Variants in IFT80 observed in about 807,000 individuals in gnomAD.
IFT80 encodes intraflagellar transport 80, also known as intraflagellar transport protein 80 homolog.
Under a neutral mutation model 107.9 loss-of-function variants are expected in IFT80, and 79 were observed. That is an observed-to-expected ratio of 0.73 (90% CI 0.61 to 0.88). IFT80 has a LOEUF of 0.88. Among genes scored for constraint, IFT80 ranks in the 40% least tolerant of loss-of-function variants. The pLI, the probability that IFT80 is intolerant of heterozygous loss-of-function variation, is 0.00. For synonymous variants in IFT80, 299 were observed against 300.9 expected (o/e 0.99, Z 0.07); for missense variants, 797 against 914.2 (o/e 0.87, Z 1.65).
chr3:160,340,855 T>C (rs1719844204), intron 8 of IFT80, among the ~76,000 whole-genome samples: 7 of 152,332 alleles, frequency 4.6e-5, no homozygotes, highest in Admixed American at 3.3e-4. Flanking sequence ...GTTCTGGGGA[T>C]TAGCATATGG....
At chr3:160,369,036 G>A (rs1263337610) in intron 5 of IFT80, among the ~76,000 whole-genome samples, 1 of 151,900 alleles carries the variant, frequency 6.6e-6, no homozygotes, top group South Asian at 2.1e-4. Context: ...CATTTAATTT[G>A]TGGTCCCATT....
chr3:160,262,622 G>C (rs1334498519), intron 19 of IFT80, among the ~76,000 whole-genome samples: 1 of 152,200 alleles, frequency 6.6e-6, no homozygotes, highest in Non-Finnish European at 1.5e-5. Flanking sequence ...ACCACGCCCA[G>C]CCACGGAGTA....
chr3:160,273,345 A>T (rs1373141271), intron 18 of IFT80, among the ~76,000 whole-genome samples: 1 of 152,172 alleles, frequency 6.6e-6, no homozygotes, highest in Non-Finnish European at 1.5e-5. Context: ...TTCCATTGTG[A>T]AAAGATCACT....
chr3:160,354,517 G>A (rs1308726664), intron 8 of IFT80, among the ~76,000 whole-genome samples: 1 of 152,136 alleles, frequency 6.6e-6, no homozygotes, highest in African/African-American at 2.4e-5. Flanking sequence ...GCCGGGCGTG[G>A]TGACGAGTGC....
intron 9 of IFT80, among the ~76,000 whole-genome samples, chr3:160,309,276 A>T (rs1717048773): frequency 6.6e-6 from 1 of 152,234 alleles, no homozygotes; most frequent in African/African-American, 2.4e-5. Context: ...GACTGGAAAT[A>T]GCCTAAATGT....
At chr3:160,276,427 G>A (rs1373896036) in intron 18 of IFT80, among the ~76,000 whole-genome samples, 2 of 152,140 alleles carry the variant, frequency 1.3e-5, no homozygotes, top group East Asian at 3.8e-4. Context: ...TTTAACTAAA[G>A]AGCCTTGTAA....
rs561449433 is a variant in IFT80 at position 160,287,466 on chromosome 3, G to C, written c.1316-1598C>G. The stretch of plus-strand genomic sequence containing the variant: ...AGAAATGAATTGCAGTATACCCAGT[G>C]GAGGTGAAAATGGAATAGTTGGTAT... On this transcript the variant is annotated intron_variant, in intron 12 of 19. Coordinates refer to ENST00000326448, the MANE Select transcript of IFT80 (RefSeq NM_020800.3). Among the ~76,000 whole-genome samples, 21 of 152,248 alleles carry C rather than the reference G, an allele frequency of 1.4e-4. No homozygotes were observed. In the South Asian group the frequency reaches 3.5e-3, roughly 26 times the overall value.
intron 9 of IFT80, among the ~76,000 whole-genome samples, chr3:160,316,181 C>G (rs993702542): frequency 1.3e-5 from 2 of 152,090 alleles, no homozygotes; most frequent in Admixed American, 1.3e-4. Flanking sequence ...AGCAAACCAC[C>G]AAGTTGTGAG....
chr3:160,314,424 A>C (rs892966460), intron 9 of IFT80, among the ~76,000 whole-genome samples: 1 of 152,184 alleles, frequency 6.6e-6, no homozygotes, highest in Non-Finnish European at 1.5e-5. Flanking sequence ...TCCTGGAGGC[A>C]AGAGGCAGAT....
At chr3:160,288,145 C>T (rs1715242325) in intron 12 of IFT80, among the ~76,000 whole-genome samples, 1 of 152,106 alleles carries the variant, frequency 6.6e-6, no homozygotes, top group African/African-American at 2.4e-5. Flanking sequence ...GAGATCGAGA[C>T]CATCCTGGCT....
At chr3:160,361,430 G>T (rs1476185346) in intron 6 of IFT80, among the ~76,000 whole-genome samples, 1 of 152,144 alleles carries the variant, frequency 6.6e-6, no homozygotes, top group East Asian at 1.9e-4. Flanking sequence ...AATAATGGGA[G>T]ACTTTAACAC....
intron 7 of IFT80, among the ~76,000 whole-genome samples, chr3:160,356,943 C>G (rs1467590014): frequency 6.6e-6 from 1 of 152,176 alleles, no homozygotes; most frequent in African/African-American, 2.4e-5. Context: ...TTATTCCTCT[C>G]TACAAATTAT....
intron 5 of IFT80, among the ~76,000 whole-genome samples, chr3:160,367,762 T>C (rs1424620591): frequency 2.0e-5 from 3 of 152,088 alleles, no homozygotes; most frequent in African/African-American, 7.2e-5. Context: ...CATTTAAGTA[T>C]AGTATTTCTT....
intron 8 of IFT80, among the ~76,000 whole-genome samples, chr3:160,340,481 T>A (rs1475182353): frequency 1.3e-5 from 2 of 152,198 alleles, no homozygotes; most frequent in Non-Finnish European, 2.9e-5. Flanking sequence ...TTCTGGAAGC[T>A]CCGGGAGAAG....
At chr3:160,284,623 G>C (rs996156084) in intron 13 of IFT80, among the ~76,000 whole-genome samples, 3 of 152,108 alleles carry the variant, frequency 2.0e-5, no homozygotes, top group South Asian at 2.1e-4. Context: ...TGTACAAGAA[G>C]ATGTATATGC....
intron 13 of IFT80, among the ~76,000 whole-genome samples, chr3:160,285,116 AT>A (rs1157330537): frequency 6.6e-6 from 1 of 152,088 alleles, no homozygotes; most frequent in Non-Finnish European, 1.5e-5. Context: ...AGGCGAGTGG[AT>A]TGCTTGAGCT....
intron 8 of IFT80, among the ~76,000 whole-genome samples, chr3:160,325,382 G>T (rs1718609101): frequency 6.6e-6 from 1 of 152,014 alleles, no homozygotes; most frequent in African/African-American, 2.4e-5. Flanking sequence ...CAGCCAGAAA[G>T]GAATGTCTTA....
intron 12 of IFT80, among the ~76,000 whole-genome samples, chr3:160,295,079 C>G (rs1399446674): frequency 6.6e-6 from 1 of 152,048 alleles, no homozygotes; most frequent in Non-Finnish European, 1.5e-5. Context: ...GATTTTAAGA[C>G]AGACAGAACA....
intron 1 of IFT80, among the ~76,000 whole-genome samples, chr3:160,386,446 T>C (rs561081370): frequency 7.7e-4 from 118 of 152,284 alleles, no homozygotes; most frequent in Non-Finnish European, 1.3e-3. Context: ...GTTTAGATAA[T>C]AGAAAGACAA....
Sources: gnomAD v4.1 joint callset for allele counts (sites outside exome capture counted in the v4.1 genomes callset) on GRCh38, gnomAD v4.1.1 for gene constraint, MANE v1.5 for transcripts, NCBI Gene and HGNC (gene_info 2026-07-23, HGNC 2026-07-21) for gene names.